The following GLS2 variants were observed in gnomAD, a reference collection of about 807,000 sequenced individuals.
GLS2 encodes glutaminase liver isoform, mitochondrial.
A neutral mutation model predicts 79.0 loss-of-function variants in GLS2; 52 were observed. The observed-to-expected ratio is 0.66, with a 90% CI of 0.53 to 0.83. The LOEUF (loss-of-function observed/expected upper bound fraction) is 0.83. Among genes scored for constraint, GLS2 ranks in the 40% least tolerant of loss-of-function variants. GLS2 has a pLI of 0.00. For missense variants in GLS2, 561 were observed against 764.8 expected (o/e 0.73, Z 3.14); for synonymous variants, 238 against 280.8 (o/e 0.85, Z 1.52).
chr12:56,480,557 G>A, intron 1 of GLS2, 170 bp from the exon 2 acceptor site: 1 of 599,428 alleles, frequency 1.7e-6, no homozygotes, highest in Non-Finnish European at 3.0e-6. Flanking sequence ...CTAAGAAGTT[G>A]TAGATCTTTT....
At position 56,482,496 on chromosome 12, in the gene GLS2, C is replaced by T. The variant is rs535952799; in HGVS notation, c.183-2109G>A. 9.2e-5 allele frequency among the ~76,000 whole-genome samples: 14 copies of T among 152,296 alleles called. No homozygotes were observed. The South Asian group carries it at 2.5e-3, about 27-fold the overall frequency. ...AACCTCCAGATATTGCTTATGCTGCCGGTTTGACACAACACACCATCTTAC... is the reference window on the plus strand; with the variant it reads ...AACCTCCAGATATTGCTTATGCTGCTGGTTTGACACAACACACCATCTTAC... On this transcript the variant is annotated intron_variant, in intron 1 of 17. Transcript: ENST00000311966.
intron 3 of GLS2, 133 bp downstream of exon 3, chr12:56,479,647 A>G: frequency 1.8e-6 from 2 of 1,105,758 alleles, no homozygotes; most frequent in Non-Finnish European, 2.4e-6. Flanking sequence ...GTATTCATGT[A>G]TAACTTATGT....
Position 56,479,036 on chromosome 12 carries a change from G to T in GLS2, c.534+16C>A. ...GCCCAGGTCCCTGACCCCTCCCTTA[G>T]TCCCCTGACTCTCACTTTGCCTCCA... On this transcript the variant is annotated intron_variant, in intron 4 of 17. Coordinates refer to ENST00000311966, the MANE Select transcript of GLS2 (RefSeq NM_013267.4). 1 of 1,606,018 alleles carries T rather than the reference G, an allele frequency of 6.2e-7. No homozygotes were observed.
At position 56,472,186 on chromosome 12, in the gene GLS2, C is replaced by T. The variant is rs34265700; in HGVS notation, c.1521G>A (p.Leu507=). Reference sequence around the variant, plus strand: ...CTTTCTGTTCCATATCCATGGCTGACAAGGCAAACCTGAGGGTAGTGGGAA... The same window carrying T: ...CTTTCTGTTCCATATCCATGGCTGATAAGGCAAACCTGAGGGTAGTGGGAA... ...GDVSALRRFA[L]SAMDMEQKDY... Residue 507 remains leucine, a synonymous_variant, in exon 16 of 18, where the codon TTG becomes TTA. Transcript: ENST00000311966. 26,580 of 1,614,056 alleles carry T rather than the reference C, an allele frequency of 0.016. 347 individuals carry two copies. Among genetic ancestry groups the T allele is most frequent in the African/African-American group, 0.064 (4,835 of 75,004 alleles).
intron 7 of GLS2, chr12:56,477,087 G>A (rs187372138): frequency 6.6e-6 from 1 of 152,404 alleles, no homozygotes; most frequent in Admixed American, 6.5e-5. Context: ...GTCCCTGAGG[G>A]GAGGATTCCT....
intron 1 of GLS2, among the ~76,000 whole-genome samples, chr12:56,483,701 C>T (rs1161266114): frequency 6.6e-6 from 1 of 152,130 alleles, no homozygotes; most frequent in Non-Finnish European, 1.5e-5. Context: ...CTGCCTCAGC[C>T]TCCCTAGTAG....
intron 2 of GLS2, 144 bp from the exon 3 acceptor site, chr12:56,480,045 G>A: frequency 8.8e-7 from 1 of 1,142,518 alleles, no homozygotes; most frequent in Non-Finnish European, 1.2e-6. Flanking sequence ...AAGAAAGGAG[G>A]GGATGGAGTA....
rs1398034378 is a variant in GLS2 at position 56,471,121 on chromosome 12, T to C, written c.*366A>G. 5.0e-6 allele frequency: 2 copies of C among 398,222 alleles called. No homozygotes were observed. Among genetic ancestry groups the C allele is most frequent in the African/African-American group, 4.1e-5 (2 of 48,710 alleles). The allele number at this position is 398,222 out of a possible 1,614,324, so 24.7% of individuals were successfully genotyped here. ...CCCATATTCTGTGGATATGTACATG[T>C]GCATGGTAGCTAGAGTCCCTCCACC... On this transcript the variant is annotated 3_prime_UTR_variant, in exon 18 of 18. Transcript: ENST00000311966.
At chr12:56,487,813 G>A (rs926172548) in intron 1 of GLS2, 124 bp downstream of exon 1, 4 of 1,155,068 alleles carry the variant, frequency 3.5e-6, no homozygotes, top group South Asian at 1.6e-5. Flanking sequence ...AAAAGGCACC[G>A]AGGGCTAGTG....
rs148826392 is a variant in GLS2 at position 56,474,590 on chromosome 12, A to C, written c.1178T>G (p.Met393Arg). 103 of 1,614,092 alleles carry C rather than the reference A, an allele frequency of 6.4e-5. No individual in the cohort carries two copies. The highest frequency in any genetic ancestry group is 8.6e-5 in the Non-Finnish European group (101 of 1,180,050). The stretch of plus-strand genomic sequence containing the variant: ...GAAGTCATACATGCCGCAGGAATGC[A>C]TGAGGCTGAGGGTGTTGCGCACTGC... The part of the protein sequence containing the change: ...AEAVRNTLSL[M>R]HSCGMYDFSG... Residue 393 changes from methionine (M) to arginine (R), a missense_variant, in exon 12 of 18, where the codon ATG becomes AGG. Physicochemically the swap from Met to Arg is moderately conservative, Grantham distance 91 (BLOSUM62 -1). Around this residue, in one of 4 missense-constraint regions of GLS2, gnomAD observed 221 missense variants for 275.6 expected, o/e 0.80. Coordinates refer to ENST00000311966, the MANE Select transcript of GLS2 (RefSeq NM_013267.4).
intron 1 of GLS2, among the ~76,000 whole-genome samples, chr12:56,485,780 G>A (rs1426183764): frequency 6.6e-6 from 1 of 151,758 alleles, no homozygotes; most frequent in African/African-American, 2.4e-5. Flanking sequence ...GGTGGCTCAC[G>A]CCTATAATCC....
At chr12:56,474,186 A>C (rs1197141057) in intron 12 of GLS2, 1 of 271,292 alleles carries the variant, frequency 3.7e-6, no homozygotes, top group Non-Finnish European at 7.1e-6. Context: ...TCTGCCTCCC[A>C]GGTTCAAGCA....
At chr12:56,479,299 C>G in intron 3 of GLS2, 118 bp from the exon 4 acceptor site, 1 of 1,293,622 alleles carries the variant, frequency 7.7e-7, no homozygotes, top group Non-Finnish European at 1.0e-6. Flanking sequence ...GGATCAACAG[C>G]TCTGTTACCT....
intron 9 of GLS2, chr12:56,475,349 T>C (rs1307246220): frequency 8.9e-7 from 1 of 1,120,972 alleles, no homozygotes. Flanking sequence ...CTAGGAAAAC[T>C]GGTGAAGTTT....
chr12:56,481,475 G>A (rs962496107), intron 1 of GLS2, among the ~76,000 whole-genome samples: 1 of 150,562 alleles, frequency 6.6e-6, no homozygotes. Flanking sequence ...CAAAGTGCTG[G>A]GATTACAGGT....
intron 1 of GLS2, chr12:56,487,618 C>T: frequency 2.3e-6 from 1 of 430,404 alleles, no homozygotes; most frequent in Non-Finnish European, 4.1e-6. Flanking sequence ...TGAGGACTGG[C>T]GGCGTGAGCC....
In GLS2 at chr12:56,477,571, T is replaced by C. The variant is rs747114550; in HGVS notation, c.837+89A>G. 51 of 1,337,768 alleles carry C rather than the reference T, an allele frequency of 3.8e-5. 1 individual carries two copies. The highest frequency in any genetic ancestry group is 5.2e-5 in the Non-Finnish European group (50 of 960,496). 82.9% of individuals were successfully genotyped at this position (1,337,768 alleles called of 1,614,324 possible). A position where few individuals can be genotyped will look rare whatever the true frequency, so the allele number is the denominator to read the frequency against. Reference sequence around the variant, plus strand: ...CTCAAAGGAATCAGAGCCCCACCAGTCTCCCTGGAGAGCTGAACAAATATG... The same window carrying C: ...CTCAAAGGAATCAGAGCCCCACCAGCCTCCCTGGAGAGCTGAACAAATATG... On this transcript the variant is annotated intron_variant, in intron 7 of 17. Transcript: ENST00000311966.
Position 56,478,083 on chromosome 12 carries a change from G to A in GLS2, c.628C>T (p.His210Tyr). 6.2e-7 allele frequency: 1 copy of A among 1,614,092 alleles called. No individual in the cohort carries two copies. Among genetic ancestry groups the A allele is most frequent in the Non-Finnish European group, 8.5e-7 (1 of 1,179,968 alleles). Residue 210 changes from histidine (H) to tyrosine (Y), a missense_variant, in exon 6 of 18, where the codon CAC (histidine) becomes TAC (tyrosine). Around this residue, in one of 4 missense-constraint regions of GLS2, gnomAD observed 221 missense variants for 275.6 expected, o/e 0.80. Transcript: ENST00000311966. The part of the protein sequence containing the change: ...TVDGQRHSVG[H>Y]TKIPFCLQSC... Reference sequence around the variant, plus strand: ...TGCAGGCAGAAGGGGATCTTTGTGTGGCCCACAGAGTGCCTGGAGGCAGAC... The same window carrying A: ...TGCAGGCAGAAGGGGATCTTTGTGTAGCCCACAGAGTGCCTGGAGGCAGAC...
At chr12:56,472,421 T>C in intron 15 of GLS2, 1 of 605,404 alleles carries the variant, frequency 1.7e-6, no homozygotes, top group Non-Finnish European at 2.9e-6. Context: ...ACTGCCTACC[T>C]GTGGTAAGTG....
Sources: allele counts gnomAD v4.1 joint callset (sites outside exome capture counted in the v4.1 genomes callset), GRCh38; gene constraint gnomAD v4.1.1; regional missense constraint gnomAD v4.1.1; transcripts MANE v1.5; gene names NCBI Gene and HGNC (gene_info 2026-07-23, HGNC 2026-07-21).